Variants in CIRSR observed in about 807,000 individuals in gnomAD.
CIRSR encodes the protein corepressor of RBPJ and splicing regulator.
chr2:174,395,699 G>C, the CIRSR span: 1 of 1,612,528 alleles, frequency 6.2e-7, no homozygotes, highest in Non-Finnish European at 8.5e-7. Context: ...AACCGGAACT[G>C]CGTTTCCAGC....
chr2:174,383,574 G>T, the CIRSR span, among the ~76,000 whole-genome samples: 1 of 151,694 alleles, frequency 6.6e-6, no homozygotes, highest in Non-Finnish European at 1.5e-5. Context: ...ACAAAAATTA[G>T]CCGGGCGTGG....
the CIRSR span, among the ~76,000 whole-genome samples, chr2:174,390,730 G>A: frequency 6.6e-6 from 1 of 152,130 alleles, no homozygotes; most frequent in Non-Finnish European, 1.5e-5. Flanking sequence ...CTGAATAAAA[G>A]GGGCTGTTAC....
chr2:174,382,538 C>G, the CIRSR span, among the ~76,000 whole-genome samples: 1 of 152,098 alleles, frequency 6.6e-6, no homozygotes, highest in Non-Finnish European at 1.5e-5. Context: ...ACTCGGGAGG[C>G]TGAGGCAGGA....
the CIRSR span, among the ~76,000 whole-genome samples, chr2:174,364,590 T>G: frequency 1.3e-5 from 2 of 152,246 alleles, no homozygotes; most frequent in African/African-American, 4.8e-5. Flanking sequence ...CCTGGACATC[T>G]GGGAGTCTCC....
chr2:174,382,685 G>C, the CIRSR span, among the ~76,000 whole-genome samples: 1 of 151,986 alleles, frequency 6.6e-6, no homozygotes, highest in African/African-American at 2.4e-5. Flanking sequence ...GTAGTATGAT[G>C]GACTCAGTGT....
chr2:174,370,127 A>T, the CIRSR span: 2 of 1,268,996 alleles, frequency 1.6e-6, no homozygotes. Context: ...AACGGCGGGC[A>T]TAATGGGTGG....
the CIRSR span, among the ~76,000 whole-genome samples, chr2:174,386,939 C>G: frequency 6.6e-6 from 1 of 152,174 alleles, no homozygotes; most frequent in African/African-American, 2.4e-5. Flanking sequence ...ACTTCACACA[C>G]TTTTATAGGT....
At chr2:174,362,941 A>G in the CIRSR span, among the ~76,000 whole-genome samples, 1 of 152,072 alleles carries the variant, frequency 6.6e-6, no homozygotes, top group South Asian at 2.1e-4. Context: ...GCCCCCTTTC[A>G]TGAGTTTTAT....
At chr2:174,370,343 C>T in the CIRSR span, among the ~76,000 whole-genome samples, 2 of 152,194 alleles carry the variant, frequency 1.3e-5, no homozygotes, top group Non-Finnish European at 2.9e-5. Flanking sequence ...GGCCACCACA[C>T]CTGGCCCAGA....
At chr2:174,355,131 A>G in the CIRSR span, among the ~76,000 whole-genome samples, 1 of 152,148 alleles carries the variant, frequency 6.6e-6, no homozygotes. Flanking sequence ...ATTATGACAG[A>G]GGCTACGTAG....
chr2:174,351,806 A>G, the CIRSR span: 1 of 943,586 alleles, frequency 1.1e-6, no homozygotes, highest in Non-Finnish European at 1.6e-6. Context: ...ATGCAGTTGA[A>G]GCTTTGTTAA....
At chr2:174,392,418 T>C in the CIRSR span, among the ~76,000 whole-genome samples, 2 of 152,244 alleles carry the variant, frequency 1.3e-5, no homozygotes, top group Non-Finnish European at 2.9e-5. Context: ...TTGTATGATA[T>C]GTAAATTTAT....
At chr2:174,390,579 G>C in the CIRSR span, among the ~76,000 whole-genome samples, 1 of 152,200 alleles carries the variant, frequency 6.6e-6, no homozygotes, top group African/African-American at 2.4e-5. Context: ...GGGCAGGATT[G>C]TGTTTTGAAA....
the CIRSR span, among the ~76,000 whole-genome samples, chr2:174,376,627 C>A: frequency 6.6e-6 from 1 of 151,636 alleles, no homozygotes; most frequent in African/African-American, 2.4e-5. Context: ...GAAACCCTGT[C>A]TCTACTAAAA....
At chr2:174,354,619 T>G in the CIRSR span, among the ~76,000 whole-genome samples, 1 of 80,612 alleles carries the variant, frequency 1.2e-5, no homozygotes, top group Non-Finnish European at 2.2e-5. Flanking sequence ...TTATATATTT[T>G]ATATATTATA....
At chr2:174,348,444 T>C in the CIRSR span, 1 of 1,531,476 alleles carries the variant, frequency 6.5e-7, no homozygotes, top group Non-Finnish European at 8.8e-7. Context: ...AAAGTGGAGA[T>C]ATTTTTATTC....
At chr2:174,364,410 C>CTA in the CIRSR span, among the ~76,000 whole-genome samples, 21 of 152,208 alleles carry the variant, frequency 1.4e-4, no homozygotes, top group Non-Finnish European at 5.9e-5. Context: ...GTCAGTGGAT[C>CTA]TACCATTCTG....
At chr2:174,370,137 G>C in the CIRSR span, 2 of 1,225,662 alleles carry the variant, frequency 1.6e-6, no homozygotes. Flanking sequence ...ATAATGGGTG[G>C]TTGAGAAGCA....
chr2:174,362,540 A>G, the CIRSR span, among the ~76,000 whole-genome samples: 7 of 151,808 alleles, frequency 4.6e-5, no homozygotes, highest in East Asian at 1.4e-3. Context: ...TTAATTAGCC[A>G]GGCGTGGTGA....
Sources: gnomAD v4.1 joint callset for allele counts (sites outside exome capture counted in the v4.1 genomes callset) on GRCh38, gnomAD v4.1.1 for gene constraint, MANE v1.5 for transcripts, NCBI Gene and HGNC (gene_info 2026-07-23, HGNC 2026-07-21) for gene names.